PLA2G4A: variants seen among roughly 807,000 people sequenced by gnomAD.
PLA2G4A encodes the protein phospholipase A2 group IVA.
Under a neutral mutation model 81.9 loss-of-function variants are expected in PLA2G4A, and 40 were observed. That is an observed-to-expected ratio of 0.49 (90% CI 0.38 to 0.64). The LOEUF is 0.64. Ranked by LOEUF, PLA2G4A falls within the 30% of genes least tolerant of loss-of-function variation. PLA2G4A has a pLI of 0.00. For synonymous variants in PLA2G4A, 302 were observed against 296.9 expected (o/e 1.02, Z -0.18); for missense variants, 715 against 905.1 (o/e 0.79, Z 2.69).
chr1:186,909,140 A>T (rs1426284990), intron 6 of PLA2G4A, among the ~76,000 whole-genome samples: 2 of 148,746 alleles, frequency 1.3e-5, no homozygotes, highest in African/African-American at 4.9e-5. Flanking sequence ...CGCCCGGCTA[A>T]TTTTTTTCTA....
chr1:186,830,608 C>CAAAAAAAAAAAAAAAAAAAAAAAA (rs55745208), intron 1 of PLA2G4A, among the ~76,000 whole-genome samples: 4 of 72,690 alleles, frequency 5.5e-5, no homozygotes, highest in African/African-American at 5.4e-5. Flanking sequence ...AGCTCTGTCT[C>CAAAAAAAAAAAAAAAAAAAAAAAA]AAAAAAAAAA....
chr1:186,869,058 T>C (rs956618110), intron 2 of PLA2G4A, among the ~76,000 whole-genome samples: 8 of 152,038 alleles, frequency 5.3e-5, no homozygotes, highest in Non-Finnish European at 8.8e-5. Flanking sequence ...TTTTTATTAG[T>C]TTTTGTTTAC....
intron 3 of PLA2G4A, among the ~76,000 whole-genome samples, chr1:186,871,526 C>G (rs1425281543): frequency 4.0e-5 from 6 of 151,884 alleles, no homozygotes; most frequent in Non-Finnish European, 5.9e-5. Context: ...TAAACTGGTA[C>G]CTAAAGGAGA....
At chr1:186,852,324 T>A (rs577877429) in intron 1 of PLA2G4A, among the ~76,000 whole-genome samples, 1 of 151,986 alleles carries the variant, frequency 6.6e-6, no homozygotes, top group Admixed American at 6.6e-5. Context: ...AAGACTCCAC[T>A]GGAAAGATGA....
intron 15 of PLA2G4A, among the ~76,000 whole-genome samples, chr1:186,969,201 T>C (rs1411266028): frequency 6.6e-6 from 1 of 151,772 alleles, no homozygotes; most frequent in Non-Finnish European, 1.5e-5. Flanking sequence ...GTTTTTATTC[T>C]TTCTTATAAT....
intron 2 of PLA2G4A, among the ~76,000 whole-genome samples, chr1:186,864,761 AAG>A (rs1353652218): frequency 2.6e-5 from 4 of 151,478 alleles, no homozygotes. Context: ...TTACTGCAAT[AAG>A]AATGCACTCT....
chr1:186,949,004 T>G, intron 12 of PLA2G4A, among the ~76,000 whole-genome samples: 1 of 152,156 alleles, frequency 6.6e-6, no homozygotes, highest in East Asian at 1.9e-4. Flanking sequence ...GTTTTCTTCC[T>G]TCTGAAGAAA....
In PLA2G4A at chr1:186,956,099, T is replaced by G; in HGVS notation, c.1337-3T>G. 1 of 1,612,840 alleles carries G rather than the reference T, an allele frequency of 6.2e-7. No individual in the cohort carries two copies. The highest frequency in any genetic ancestry group is 8.5e-7 in the Non-Finnish European group (1 of 1,178,948). ...TGTATGGTGACCTTTTATTTTTCCC[T>G]AGGCACTGAAAATGAAGATGCTGGA... On this transcript the variant is annotated splice_region_variant and splice_polypyrimidine_tract_variant and intron_variant, in intron 13 of 17. Coordinates refer to ENST00000367466, the MANE Select transcript of PLA2G4A (RefSeq NM_024420.3).
At position 186,943,594 on chromosome 1, in the gene PLA2G4A, G is replaced by C. The variant is rs182916275; in HGVS notation, c.1034-3043G>C. ...GAGATTTAGTATAGTTGTAAGAAAG[G>C]GTGATGAAACTTGGATTTAAGTCGA... is the stretch of plus-strand genomic sequence containing the variant. On this transcript the variant is annotated intron_variant, in intron 10 of 17. Coordinates refer to ENST00000367466, the MANE Select transcript of PLA2G4A (RefSeq NM_024420.3). Among the ~76,000 whole-genome samples, 1,198 of 152,204 alleles carry C rather than the reference G, an allele frequency of 7.9e-3. 5 individuals are homozygous for C. Among genetic ancestry groups the C allele is most frequent in the Non-Finnish European group, 0.013 (866 of 68,004 alleles).
At chr1:186,837,736 C>CAAAAAAAAAAAAAAAAAAAAAA (rs750655561) in intron 1 of PLA2G4A, among the ~76,000 whole-genome samples, 1 of 55,216 alleles carries the variant, frequency 1.8e-5, no homozygotes, top group Non-Finnish European at 3.3e-5. Context: ...GACTCCGTCT[C>CAAAAAAAAAAAAAAAAAAAAAA]AAAAAAAAAA....
intron 5 of PLA2G4A, among the ~76,000 whole-genome samples, chr1:186,901,553 A>T (rs1654541281): frequency 6.6e-6 from 1 of 152,336 alleles, no homozygotes; most frequent in Non-Finnish European, 1.5e-5. Context: ...TAGTGAAAGT[A>T]ATGAAGTTTA....
chr1:186,903,105 C>T (rs1654608053), intron 5 of PLA2G4A, among the ~76,000 whole-genome samples: 1 of 151,978 alleles, frequency 6.6e-6, no homozygotes, highest in Non-Finnish European at 1.5e-5. Flanking sequence ...AAAATTGACC[C>T]TTTAAAAATG....
chr1:186,903,871 C>T (rs569844459), intron 5 of PLA2G4A, among the ~76,000 whole-genome samples: 8 of 152,178 alleles, frequency 5.3e-5, no homozygotes, highest in African/African-American at 7.2e-5. Flanking sequence ...GCTCCTACCC[C>T]GCCACCCTGG....
At chr1:186,958,054 T>C (rs1019239431) in intron 14 of PLA2G4A, among the ~76,000 whole-genome samples, 4 of 152,208 alleles carry the variant, frequency 2.6e-5, no homozygotes, top group Non-Finnish European at 5.9e-5. Flanking sequence ...TGTTGTTGTT[T>C]TGGTATTGTT....
intron 15 of PLA2G4A, among the ~76,000 whole-genome samples, chr1:186,967,755 G>A (rs1334213570): frequency 6.6e-6 from 1 of 152,116 alleles, no homozygotes. Flanking sequence ...AGGGGCAGGA[G>A]TGATCTGATT....
rs765381607 is a variant in PLA2G4A at position 186,846,564 on chromosome 1, T to G, written c.-69-7722T>G. On this transcript the variant is annotated intron_variant, in intron 1 of 17. Transcript: ENST00000367466. ...CAGTACATTATCAACACCAGGAAAC[T>G]GACATTGGTACAGTGCTATTAATTA... Among the ~76,000 whole-genome samples the G allele has an allele frequency of 8.5e-5, 13 of 152,174 alleles. 1 individual carries two copies. Among genetic ancestry groups the G allele is most frequent in the African/African-American group, 1.9e-4 (8 of 41,450 alleles).
chr1:186,878,424 A>G (rs979858894), intron 3 of PLA2G4A, among the ~76,000 whole-genome samples: 1 of 150,340 alleles, frequency 6.7e-6, no homozygotes, highest in African/African-American at 2.4e-5. Flanking sequence ...CATGAGTTTT[A>G]GTTTATTAAT....
intron 2 of PLA2G4A, among the ~76,000 whole-genome samples, chr1:186,855,050 G>A (rs1481119223): frequency 1.3e-5 from 2 of 151,880 alleles, no homozygotes; most frequent in Non-Finnish European, 2.9e-5. Context: ...GAAATAAAAT[G>A]CTGTTTTCTT....
intron 1 of PLA2G4A, among the ~76,000 whole-genome samples, chr1:186,832,768 C>A (rs1441252715): frequency 2.6e-5 from 4 of 152,134 alleles, no homozygotes; most frequent in Non-Finnish European, 5.9e-5. Flanking sequence ...ATATAACTTA[C>A]ATAATCATAG....
Sources: gnomAD v4.1 joint callset for allele counts (sites outside exome capture counted in the v4.1 genomes callset) on GRCh38, gnomAD v4.1.1 for gene constraint, MANE v1.5 for transcripts, NCBI Gene and HGNC (gene_info 2026-07-23, HGNC 2026-07-21) for gene names.